Variants in SPATA6L observed in about 807,000 individuals in gnomAD.
SPATA6L encodes spermatogenesis associated 6 like.
Under a neutral mutation model 49.2 loss-of-function variants are expected in SPATA6L, and 68 were observed. That is an observed-to-expected ratio of 1.38 (90% CI 1.14 to 1.69). SPATA6L has a LOEUF of 1.69. SPATA6L is among the 40% of genes most tolerant of loss of function. The probability of loss-of-function intolerance (pLI) is 0.00; values close to 1 mark genes in which losing one functional copy is unlikely to be tolerated. For synonymous variants in SPATA6L, 198 were observed against 165.7 expected (o/e 1.19, Z -1.50); for missense variants, 668 against 464.3 (o/e 1.44, Z -4.03).
chr9:4,652,931 A>T (rs529614076), intron 3 of SPATA6L, among the ~76,000 whole-genome samples: 1 of 152,280 alleles, frequency 6.6e-6, no homozygotes, highest in Non-Finnish European at 1.5e-5. Flanking sequence ...AATATTGTTA[A>T]GGTGACAATA....
intron 3 of SPATA6L, among the ~76,000 whole-genome samples, chr9:4,651,950 G>A (rs74463266): frequency 0.026 from 3,962 of 152,082 alleles, 163 homozygotes; most frequent in African/African-American, 0.09. Context: ...TTCTAGCCAG[G>A]GAAATTAGAC....
At chr9:4,659,830 G>C (rs911201730) in intron 2 of SPATA6L, among the ~76,000 whole-genome samples, 3 of 152,116 alleles carry the variant, frequency 2.0e-5, no homozygotes, top group Non-Finnish European at 4.4e-5. Flanking sequence ...CCAAAACAGA[G>C]ATACAGACCA....
chr9:4,656,816 C>T (rs1838353277), intron 2 of SPATA6L, among the ~76,000 whole-genome samples: 1 of 152,164 alleles, frequency 6.6e-6, no homozygotes, highest in Non-Finnish European at 1.5e-5. Flanking sequence ...ACAACAGATA[C>T]TCATTAAATG....
At position 4,662,630 on chromosome 9, in the gene SPATA6L, G is replaced by T; in HGVS notation, c.40-594C>A. 6.3e-7 allele frequency: 1 copy of T among 1,597,052 alleles called. No homozygotes were observed. On this transcript the variant is annotated intron_variant, in intron 1 of 11. Transcript: ENST00000682582. This position sits in a 1 kb window ranked among gnomAD's most constrained non-coding sequence, Gnocchi z 4.9. The stretch of plus-strand genomic sequence containing the variant: ...GCCCCTCGCAGTCGCCCGCGCCTCC[G>T]CTGCCCGAGGAGGACCGCATGGACT...
chr9:4,645,420 G>C (rs1347592938), intron 3 of SPATA6L, among the ~76,000 whole-genome samples: 1 of 152,086 alleles, frequency 6.6e-6, no homozygotes, highest in Non-Finnish European at 1.5e-5. Flanking sequence ...CATGGTTGAG[G>C]GGCTGTGTCT....
intron 9 of SPATA6L, among the ~76,000 whole-genome samples, chr9:4,608,598 G>A (rs1342737290): frequency 5.0e-5 from 7 of 139,282 alleles, no homozygotes; most frequent in East Asian, 4.2e-4. Context: ...TGAAACCAAC[G>A]AGAACAAAGA....
rs779855973 is a variant in SPATA6L at position 4,625,437 on chromosome 9, G to A, written c.559C>T (p.Pro187Ser). 131 of 1,614,132 alleles carry A rather than the reference G, an allele frequency of 8.1e-5. 3 individuals carry two copies. The South Asian group carries it at 1.4e-3, about 17-fold the overall frequency. Reference sequence around the variant, plus strand: ...AAATGCCTGGTAGAATATTGAGAGGGCGCCCGGGCTTGCATGCCTTTGGGC... The same window carrying A: ...AAATGCCTGGTAGAATATTGAGAGGACGCCCGGGCTTGCATGCCTTTGGGC... ...RLPKGMQARA[P>S]SQYSTRHFFQ... is the part of the protein sequence containing the mutation. The change falls in exon 6 of 12, where the codon CCC becomes TCC. Residue 187 changes from proline to serine, a missense_variant. By Grantham distance (74) the Pro-to-Ser change is moderately conservative. Coordinates refer to ENST00000682582, the MANE Select transcript of SPATA6L (RefSeq NM_001353486.2).
intron 3 of SPATA6L, among the ~76,000 whole-genome samples, chr9:4,654,382 G>C (rs1837615743): frequency 6.6e-6 from 1 of 152,178 alleles, no homozygotes; most frequent in Non-Finnish European, 1.5e-5. Context: ...AGACAGACGG[G>C]GGCAGGCTGT....
intron 3 of SPATA6L, among the ~76,000 whole-genome samples, chr9:4,653,127 C>A (rs73395706): frequency 4.7e-4 from 72 of 152,198 alleles, no homozygotes; most frequent in African/African-American, 1.7e-3. Flanking sequence ...TACAAAGCTA[C>A]GGTAACAGGA....
At chr9:4,610,326 C>T (rs1826376889) in intron 9 of SPATA6L, among the ~76,000 whole-genome samples, 1 of 148,976 alleles carries the variant, frequency 6.7e-6, no homozygotes, top group Admixed American at 6.8e-5. Flanking sequence ...CAAAAAACAG[C>T]CCGCATCGCC....
At position 4,635,217 on chromosome 9, in the gene SPATA6L, G is replaced by A. The variant is rs1288732409; in HGVS notation, c.351+58C>T. The A allele has an allele frequency of 6.9e-6, 10 of 1,447,468 alleles. No homozygotes were observed. In the East Asian group the frequency reaches 1.9e-4, roughly 28 times the overall value. 89.7% of individuals were successfully genotyped at this position (1,447,468 alleles called of 1,614,324 possible). On this transcript the variant is annotated intron_variant, in intron 4 of 11. Coordinates refer to ENST00000682582, the MANE Select transcript of SPATA6L (RefSeq NM_001353486.2). ...GATCAAACCCTGTCAGGAATAAAAC[G>A]TTCAGGTCCCAAGAGTTTCTCTCCT... is the stretch of plus-strand genomic sequence containing the variant.
chr9:4,616,411 A>G (rs1216317158), intron 9 of SPATA6L, among the ~76,000 whole-genome samples: 1 of 152,218 alleles, frequency 6.6e-6, no homozygotes, highest in African/African-American at 2.4e-5. Flanking sequence ...TCCGTTCTTC[A>G]TTTAAAATCA....
chr9:4,639,133 A>G (rs527618921), intron 3 of SPATA6L, among the ~76,000 whole-genome samples: 2 of 152,328 alleles, frequency 1.3e-5, no homozygotes, highest in South Asian at 4.1e-4. Flanking sequence ...AATGCACAGC[A>G]TAGCACCTGA....
chr9:4,656,768 C>T (rs1838331483), intron 2 of SPATA6L, among the ~76,000 whole-genome samples: 1 of 152,124 alleles, frequency 6.6e-6, no homozygotes, highest in African/African-American at 2.4e-5. Context: ...AAATCAACCC[C>T]AGAGTGTTGT....
rs754890051 is a variant in SPATA6L, at chr9:4,662,485, G to A, written c.40-449C>T. 3 of 1,556,580 alleles carry A rather than the reference G, an allele frequency of 1.9e-6. No individual in the cohort carries two copies. Among genetic ancestry groups the A allele is most frequent in the African/African-American group, 1.4e-5 (1 of 73,402 alleles). On this transcript the variant is annotated intron_variant, in intron 1 of 11. Coordinates refer to ENST00000682582, the MANE Select transcript of SPATA6L (RefSeq NM_001353486.2). This position sits in a 1 kb window ranked among gnomAD's most constrained non-coding sequence, Gnocchi z 4.9. ...CATGGCGGCGGTGGCGGCGGCAGCA[G>A]GTTTGAGTTCCAGTCCCTGCTCAGC...
chr9:4,619,041 A>G (rs902054694), intron 7 of SPATA6L, 143 bp from the exon 8 acceptor site: 4 of 695,746 alleles, frequency 5.7e-6, no homozygotes, highest in Non-Finnish European at 9.8e-6. Context: ...CTTGTAAGTT[A>G]CACTATCACT....
At chr9:4,649,646 C>A (rs1480617661) in intron 3 of SPATA6L, among the ~76,000 whole-genome samples, 7 of 152,214 alleles carry the variant, frequency 4.6e-5, no homozygotes, top group African/African-American at 1.7e-4. Context: ...AAATCCTATT[C>A]TTCCACAGAG....
At chr9:4,631,335 T>C (rs1350103571) in intron 4 of SPATA6L, among the ~76,000 whole-genome samples, 1 of 152,104 alleles carries the variant, frequency 6.6e-6, no homozygotes, top group Non-Finnish European at 1.5e-5. Flanking sequence ...TTATGCTCAC[T>C]TTACAAAGTC....
chr9:4,653,924 G>C (rs586725), intron 3 of SPATA6L, among the ~76,000 whole-genome samples: 4,214 of 152,222 alleles, frequency 0.028, 199 homozygotes, highest in African/African-American at 0.097. Flanking sequence ...GTGACAGAGC[G>C]AGACCCTGTC....
Sources: gnomAD v4.1 joint callset for allele counts (sites outside exome capture counted in the v4.1 genomes callset) on GRCh38, gnomAD v4.1.1 for gene constraint, Gnocchi (gnomAD v3.1) non-coding constraint, MANE v1.5 for transcripts, NCBI Gene and HGNC (gene_info 2026-07-23, HGNC 2026-07-21) for gene names.